Variants in FNDC1 observed in about 807,000 individuals in gnomAD.
FNDC1 encodes the protein fibronectin type III domain-containing protein 1.
In FNDC1, 96 loss-of-function variants were observed where a neutral mutation model predicts 168.0. The ratio of observed to expected loss-of-function variants is 0.57; its 90% CI spans 0.48 to 0.68. The LOEUF (loss-of-function observed/expected upper bound fraction) is 0.68. FNDC1 is among the 30% of genes least tolerant of loss of function. The probability of loss-of-function intolerance (pLI) is 0.00; values close to 1 mark genes in which losing one functional copy is unlikely to be tolerated. For synonymous variants in FNDC1, 1,099 were observed against 1,025.9 expected (o/e 1.07, Z -1.36); for missense variants, 2,587 against 2,482.1 (o/e 1.04, Z -0.90).
At chr6:159,243,980 C>T (rs538305352) in intron 14 of FNDC1, among the ~76,000 whole-genome samples, 4 of 152,266 alleles carry the variant, frequency 2.6e-5, no homozygotes, top group East Asian at 1.9e-4. Flanking sequence ...ATTTCAGCAC[C>T]TCAAGGAGTT....
chr6:159,197,272 A>G (rs1451887784), intron 1 of FNDC1, among the ~76,000 whole-genome samples, 159 bp from the exon 2 acceptor site: 6 of 152,242 alleles, frequency 3.9e-5, no homozygotes, highest in African/African-American at 7.2e-5. Context: ...TTGTTGTCAC[A>G]CTGTAATGCT....
chr6:159,269,257 C>CTATCTATCTATCT (rs1554229873), intron 22 of FNDC1, among the ~76,000 whole-genome samples: 5 of 42,620 alleles, frequency 1.2e-4, no homozygotes, highest in African/African-American at 2.4e-4. Context: ...ATCCATCTAT[C>CTATCTATCTATCT]ATCTATCTAT....
intron 20 of FNDC1, among the ~76,000 whole-genome samples, 193 bp from the exon 21 acceptor site, chr6:159,265,891 G>A (rs1442400672): frequency 6.6e-6 from 1 of 152,156 alleles, no homozygotes; most frequent in Non-Finnish European, 1.5e-5. Context: ...TCGTGCCACT[G>A]CACTCCAGCC....
intron 4 of FNDC1, among the ~76,000 whole-genome samples, chr6:159,207,745 C>A (rs758069008): frequency 6.6e-6 from 1 of 152,186 alleles, no homozygotes; most frequent in African/African-American, 2.4e-5. Flanking sequence ...AGACGTTCAA[C>A]AAAACAAGGT....
At chr6:159,270,658 G>A (rs1226477625) in intron 22 of FNDC1, among the ~76,000 whole-genome samples, 1 of 152,216 alleles carries the variant, frequency 6.6e-6, no homozygotes, top group African/African-American at 2.4e-5. Context: ...GAAGGTTGGA[G>A]CATCCCTCCT....
intron 1 of FNDC1, among the ~76,000 whole-genome samples, chr6:159,173,934 G>A (rs1412986529): frequency 6.6e-6 from 1 of 152,156 alleles, no homozygotes; most frequent in Admixed American, 6.5e-5. Flanking sequence ...GGGATGAGGG[G>A]GGCAGGGAGC....
intron 18 of FNDC1, among the ~76,000 whole-genome samples, chr6:159,257,905 C>CTTTT (rs142754305): frequency 1.5e-5 from 2 of 131,594 alleles, no homozygotes; most frequent in African/African-American, 5.7e-5. Context: ...GAGTCAATGT[C>CTTTT]TTTTTTTTTT....
chr6:159,173,722 A>G (rs1333210854), intron 1 of FNDC1, among the ~76,000 whole-genome samples: 1 of 152,264 alleles, frequency 6.6e-6, no homozygotes, highest in Non-Finnish European at 1.5e-5. Flanking sequence ...ACTTGAAACA[A>G]TACAAATTTA....
intron 13 of FNDC1, among the ~76,000 whole-genome samples, chr6:159,239,006 T>A (rs1783332570): frequency 6.6e-6 from 1 of 152,222 alleles, no homozygotes; most frequent in Non-Finnish European, 1.5e-5. Context: ...CATTTTTAAA[T>A]GATTGCCAGA....
chr6:159,261,344 A>G (rs1777480296), intron 19 of FNDC1, 75 bp downstream of exon 19: 1 of 1,001,654 alleles, frequency 1.0e-6, no homozygotes, highest in South Asian at 1.4e-5. Context: ...TGATGGCTAC[A>G]ATAGAATAAA....
At chr6:159,171,968 G>C in intron 1 of FNDC1, among the ~76,000 whole-genome samples, 1 of 152,180 alleles carries the variant, frequency 6.6e-6, no homozygotes, top group East Asian at 1.9e-4. Flanking sequence ...AAAGCTTGAT[G>C]GGTAAACTGC....
chr6:159,218,061 C>T (rs1057268345), intron 5 of FNDC1, among the ~76,000 whole-genome samples: 7 of 152,338 alleles, frequency 4.6e-5, no homozygotes, highest in Middle Eastern at 3.4e-3. Flanking sequence ...TTTTGCATCT[C>T]CGCTGTTGCA....
intron 4 of FNDC1, among the ~76,000 whole-genome samples, chr6:159,204,297 A>G (rs756528582): frequency 6.6e-6 from 1 of 152,144 alleles, no homozygotes; most frequent in Non-Finnish European, 1.5e-5. Context: ...TATTCCAGGC[A>G]TCCATGACAA....
At chr6:159,213,641 C>CCG (rs1782650723) in intron 4 of FNDC1, among the ~76,000 whole-genome samples, 1 of 151,790 alleles carries the variant, frequency 6.6e-6, no homozygotes, top group African/African-American at 2.4e-5. Flanking sequence ...CACATAAGAC[C>CCG]AGTGTGTGTG....
intron 9 of FNDC1, among the ~76,000 whole-genome samples, chr6:159,227,329 A>T (rs1319988580): frequency 6.6e-6 from 1 of 152,230 alleles, no homozygotes; most frequent in Non-Finnish European, 1.5e-5. Context: ...TGGAGGTTTT[A>T]TTCAAGAAAG....
intron 12 of FNDC1, 146 bp from the exon 13 acceptor site, chr6:159,238,408 A>C: frequency 1.7e-6 from 1 of 583,136 alleles, no homozygotes; most frequent in South Asian, 2.5e-5. Context: ...TTAAGACTTT[A>C]TGAATGATAT....
chr6:159,200,884 C>A (rs1013644391), intron 4 of FNDC1, among the ~76,000 whole-genome samples: 1 of 152,212 alleles, frequency 6.6e-6, no homozygotes, highest in Non-Finnish European at 1.5e-5. Context: ...CAGTACTGAC[C>A]AGATTAGGAT....
At chr6:159,230,733 T>G (rs924780390) in intron 10 of FNDC1, among the ~76,000 whole-genome samples, 4 of 152,176 alleles carry the variant, frequency 2.6e-5, no homozygotes, top group African/African-American at 9.7e-5. Context: ...TGCTGGATAT[T>G]GGCGGCTTTT....
intron 1 of FNDC1, among the ~76,000 whole-genome samples, chr6:159,170,361 C>T (rs1208238192): frequency 6.6e-6 from 1 of 152,208 alleles, no homozygotes; most frequent in East Asian, 1.9e-4. Context: ...GAGAAACTCG[C>T]CCTTCCCCAA....
Sources: gnomAD v4.1 joint callset for allele counts (sites outside exome capture counted in the v4.1 genomes callset) on GRCh38, gnomAD v4.1.1 for gene constraint, MANE v1.5 for transcripts, NCBI Gene and HGNC (gene_info 2026-07-23, HGNC 2026-07-21) for gene names.